RELN: variants seen among roughly 807,000 people sequenced by gnomAD.
RELN encodes reelin.
Under a neutral mutation model 427.6 loss-of-function variants are expected in RELN, and 108 were observed. The ratio of observed to expected loss-of-function variants is 0.25; its 90% CI spans 0.22 to 0.30. The LOEUF is 0.30. Among genes scored for constraint, RELN ranks in the 10% least tolerant of loss-of-function variants. The pLI is 1.00. For missense variants in RELN, 3,715 were observed against 4,302.8 expected (o/e 0.86, Z 3.82); for synonymous variants, 1,524 against 1,513.4 (o/e 1.01, Z -0.16).
intron 8 of RELN, among the ~76,000 whole-genome samples, chr7:103,706,718 A>G (rs1389392573): frequency 2.0e-5 from 3 of 151,654 alleles, no homozygotes; most frequent in Non-Finnish European, 4.4e-5. Context: ...TGCTGCTTCT[A>G]CTCAGGCTCA....
intron 20 of RELN, among the ~76,000 whole-genome samples, chr7:103,617,734 C>T (rs1167716630): frequency 6.6e-6 from 1 of 151,996 alleles, no homozygotes; most frequent in Non-Finnish European, 1.5e-5. Flanking sequence ...GTTTGTCCCT[C>T]CAAATCTCAT....
At chr7:103,583,670 A>G (rs1831205510) in intron 28 of RELN, among the ~76,000 whole-genome samples, 1 of 152,204 alleles carries the variant, frequency 6.6e-6, no homozygotes, top group Admixed American at 6.5e-5. Flanking sequence ...AGAGAATACT[A>G]AAGACAAACA....
At chr7:103,494,853 G>A (rs1828787145) in intron 57 of RELN, among the ~76,000 whole-genome samples, 1 of 151,808 alleles carries the variant, frequency 6.6e-6, no homozygotes. Flanking sequence ...TGAAGTCAGA[G>A]ACACAAGAAA....
intron 31 of RELN, among the ~76,000 whole-genome samples, chr7:103,571,307 G>T (rs1180358209): frequency 6.6e-6 from 1 of 152,148 alleles, no homozygotes; most frequent in Non-Finnish European, 1.5e-5. Context: ...TTTTGTGTGA[G>T]GAGTCAGTTC....
intron 3 of RELN, among the ~76,000 whole-genome samples, chr7:103,831,522 G>A (rs1273631923): frequency 2.6e-5 from 4 of 152,212 alleles, no homozygotes; most frequent in East Asian, 1.9e-4. Flanking sequence ...GTGACTATAC[G>A]CGTCAATTTT....
intron 57 of RELN, among the ~76,000 whole-genome samples, chr7:103,493,427 C>T (rs751462207): frequency 1.3e-5 from 2 of 152,002 alleles, no homozygotes; most frequent in African/African-American, 4.8e-5. Flanking sequence ...TTAAGTGCAC[C>T]GTTAGACACA....
At chr7:103,936,308 G>C (rs540198245) in intron 1 of RELN, among the ~76,000 whole-genome samples, 1 of 152,164 alleles carries the variant, frequency 6.6e-6, no homozygotes, top group South Asian at 2.1e-4. Flanking sequence ...GGCCAGGCTG[G>C]TCTTGAACTC....
At chr7:103,593,565 G>A in intron 27 of RELN, 117 bp downstream of exon 27, 1 of 867,686 alleles carries the variant, frequency 1.2e-6, no homozygotes, top group Non-Finnish European at 1.9e-6. Flanking sequence ...TTTCGTACAG[G>A]TGAGTCCCTT....
intron 6 of RELN, among the ~76,000 whole-genome samples, chr7:103,734,402 ATG>A (rs1790440024): frequency 6.6e-6 from 1 of 152,170 alleles, no homozygotes; most frequent in African/African-American, 2.4e-5. Context: ...ATTTCCCAAT[ATG>A]AAAAACAGAA....
chr7:103,512,508 C>T (rs1829451075), intron 50 of RELN, among the ~76,000 whole-genome samples: 1 of 152,138 alleles, frequency 6.6e-6, no homozygotes, highest in Non-Finnish European at 1.5e-5. Context: ...ATGTACTCAT[C>T]AAGATACTAC....
At position 103,489,775 on chromosome 7, in the gene RELN, C is replaced by T. The variant is rs73714410; in HGVS notation, c.9730G>A (p.Gly3244Ser). 3,553 of 1,614,080 alleles carry T rather than the reference C, an allele frequency of 2.2e-3. 50 individuals are homozygous for T. In the African/African-American group the frequency reaches 0.041, roughly 19 times the overall value. ...CTCTCGTCGCAGATGCAGATGGCAC[C>T]GGTCGTGCAGTATCCGTGCCCGCTG... ...LCSGHGYCTT[G>S]AICICDESFQ... Residue 3244 changes from glycine (G) to serine (S), a missense_variant, in exon 60 of 65, where the codon GGT becomes AGT. This residue lies in a region of RELN where 195 missense variants were observed against 281.3 expected (regional missense o/e 0.69). Coordinates refer to ENST00000428762, the MANE Select transcript of RELN (RefSeq NM_005045.4).
At chr7:103,741,869 G>A (rs570551179) in intron 6 of RELN, among the ~76,000 whole-genome samples, 8 of 152,272 alleles carry the variant, frequency 5.3e-5, no homozygotes, top group East Asian at 3.9e-4. Flanking sequence ...CGTGAGCGAC[G>A]CAGAAGATGG....
intron 7 of RELN, among the ~76,000 whole-genome samples, chr7:103,724,393 G>A (rs1485638886): frequency 6.6e-6 from 1 of 152,126 alleles, no homozygotes; most frequent in Non-Finnish European, 1.5e-5. Context: ...CAGTTGGGAT[G>A]TGAATATTAA....
chr7:103,528,065 T>C (rs1319009843), intron 46 of RELN, among the ~76,000 whole-genome samples: 1 of 152,162 alleles, frequency 6.6e-6, no homozygotes, highest in African/African-American at 2.4e-5. Context: ...CCTAGGTATA[T>C]AGCCAAGAAA....
rs998305602 is a variant in RELN, at chr7:103,753,387, T to C, written c.545-173A>G. On this transcript the variant is annotated intron_variant, in intron 4 of 64. Transcript: ENST00000428762. ...GAACCCTTGAAAAAATAGAAGACAA[T>C]AAATTTAATGATCTTGTATTTTGTG... Among the ~76,000 whole-genome samples the C allele has an allele frequency of 4.6e-5, 7 of 152,294 alleles. No homozygotes were observed. The South Asian group carries it at 1.0e-3, about 23-fold the overall frequency.
intron 3 of RELN, among the ~76,000 whole-genome samples, chr7:103,777,692 T>G (rs1292333899): frequency 6.6e-6 from 1 of 152,142 alleles, no homozygotes; most frequent in Non-Finnish European, 1.5e-5. Flanking sequence ...GGCCCACGTG[T>G]GGATGCACCT....
intron 57 of RELN, 91 bp from the exon 58 acceptor site, chr7:103,492,117 G>A: frequency 3.0e-6 from 3 of 988,332 alleles, no homozygotes; most frequent in Middle Eastern, 2.2e-4. Context: ...TTATTACTCT[G>A]ATAGGTAATA....
intron 3 of RELN, among the ~76,000 whole-genome samples, chr7:103,780,648 G>T (rs1693160997): frequency 6.6e-6 from 1 of 152,106 alleles, no homozygotes; most frequent in Admixed American, 6.5e-5. Context: ...GAGAACATTT[G>T]GTATTTGGTT....
intron 10 of RELN, among the ~76,000 whole-genome samples, chr7:103,697,378 G>A (rs562385599): frequency 1.1e-4 from 16 of 152,138 alleles, no homozygotes; most frequent in Admixed American, 8.5e-4. Flanking sequence ...CCAAATTACT[G>A]TTCAGCCTCT....
Sources: gnomAD v4.1 joint callset for allele counts (sites outside exome capture counted in the v4.1 genomes callset) on GRCh38, gnomAD v4.1.1 for gene constraint, gnomAD v4.1.1 regional missense constraint, MANE v1.5 for transcripts, NCBI Gene and HGNC (gene_info 2026-07-23, HGNC 2026-07-21) for gene names.